Variants in SORBS2 observed in about 807,000 individuals in gnomAD.
SORBS2 encodes sorbin and SH3 domain-containing protein 2.
In SORBS2, 46 loss-of-function variants were observed where a neutral mutation model predicts 97.7. That is an observed-to-expected ratio of 0.47 (90% CI 0.37 to 0.60). SORBS2 has a LOEUF of 0.60. Ranked by LOEUF, SORBS2 falls within the 20% of genes least tolerant of loss-of-function variation. The pLI is 0.00. For synonymous variants in SORBS2, 476 were observed against 473.4 expected (o/e 1.01, Z -0.07); for missense variants, 1,316 against 1,282.3 (o/e 1.03, Z -0.40).
chr4:185,634,195 T>C (rs537360999), intron 4 of SORBS2, among the ~76,000 whole-genome samples: 3 of 152,150 alleles, frequency 2.0e-5, no homozygotes, highest in Admixed American at 1.3e-4. Context: ...ACAGGGTAAA[T>C]AATTTGAAAT....
chr4:185,658,121 C>T (rs569788227), upstream of SORBS2, among the ~76,000 whole-genome samples: 1 of 152,152 alleles, frequency 6.6e-6, no homozygotes, highest in Non-Finnish European at 1.5e-5. Context: ...AAAAATGAAG[C>T]AAAACCAAAA....
chr4:185,622,763 A>G lies in SORBS2; in HGVS notation c.2215+151T>C, dbSNP rs116052252. On this transcript the variant is annotated intron_variant, in intron 7 of 14. Coordinates refer to ENST00000418609, the Ensembl canonical transcript of SORBS2. ...GGGCAAATGAGAAATATTCAGTAAGACATATTTGCACAACAAGTTTTTGCT... is the reference window on the plus strand; with the variant it reads ...GGGCAAATGAGAAATATTCAGTAAGGCATATTTGCACAACAAGTTTTTGCT... 1,565 of 664,794 alleles carry G rather than the reference A, an allele frequency of 2.4e-3. 5 individuals carry two copies. Among genetic ancestry groups the G allele is most frequent in the Non-Finnish European group, 2.7e-3 (1,085 of 399,590 alleles). 41.2% of individuals were successfully genotyped at this position (664,794 alleles called of 1,614,324 possible). A position where few individuals can be genotyped will look rare whatever the true frequency, so the allele number is the denominator to read the frequency against.
chr4:185,676,906 C>A, intron 4 of SORBS2: 1 of 1,005,094 alleles, frequency 9.9e-7, no homozygotes. Context: ...ACTAAGAAAG[C>A]ATTAGGTCAT....
chr4:185,848,988 C>T (rs2099216242), intron 1 of SORBS2, among the ~76,000 whole-genome samples: 1 of 152,194 alleles, frequency 6.6e-6, no homozygotes, highest in Non-Finnish European at 1.5e-5. Context: ...AGTAGTGACA[C>T]ATCTGTGACA....
chr4:185,752,533 C>T (rs2098807514), intron 2 of SORBS2, among the ~76,000 whole-genome samples: 2 of 152,178 alleles, frequency 1.3e-5, no homozygotes, highest in Non-Finnish European at 2.9e-5. Context: ...GCCTCGGCCT[C>T]CCAAAGTGCT....
intron 2 of SORBS2, among the ~76,000 whole-genome samples, chr4:185,708,442 A>C (rs970556496): frequency 1.3e-5 from 2 of 152,232 alleles, no homozygotes; most frequent in Non-Finnish European, 2.9e-5. Flanking sequence ...TTTTTTGTTC[A>C]TGCTGATTCT....
intron 1 of SORBS2, among the ~76,000 whole-genome samples, chr4:185,821,679 C>A (rs2153670703): frequency 6.6e-6 from 1 of 152,352 alleles, no homozygotes; most frequent in Non-Finnish European, 1.5e-5. Context: ...CCGCCTCAGC[C>A]TCCCAAAGTG....
At chr4:185,753,932 G>A (rs2098815809) in intron 2 of SORBS2, among the ~76,000 whole-genome samples, 1 of 152,128 alleles carries the variant, frequency 6.6e-6, no homozygotes, top group Non-Finnish European at 1.5e-5. Flanking sequence ...CATTGACCCA[G>A]TAATCCCATT....
chr4:185,922,168 G>T (rs1237161461), intron 1 of SORBS2, among the ~76,000 whole-genome samples: 1 of 152,228 alleles, frequency 6.6e-6, no homozygotes, highest in Non-Finnish European at 1.5e-5. Context: ...AGCTTTAACA[G>T]TCGTGGTTAG....
At chr4:185,770,159 A>G (rs1584510715) in intron 2 of SORBS2, among the ~76,000 whole-genome samples, 1 of 151,490 alleles carries the variant, frequency 6.6e-6, no homozygotes, top group South Asian at 2.1e-4. Context: ...GCTCACTGCA[A>G]CCTCCGCCTC....
At chr4:185,777,799 T>C (rs2099007353) in intron 1 of SORBS2, among the ~76,000 whole-genome samples, 1 of 149,660 alleles carries the variant, frequency 6.7e-6, no homozygotes, top group Non-Finnish European at 1.5e-5. Context: ...AAAAAAAAGG[T>C]GAATGATGAG....
chr4:185,715,117 A>G (rs1272952097), intron 2 of SORBS2, among the ~76,000 whole-genome samples: 2 of 152,220 alleles, frequency 1.3e-5, no homozygotes, highest in Non-Finnish European at 2.9e-5. Context: ...TGCAAAGAAT[A>G]AATTTACTTA....
At chr4:185,614,737 A>G in intron 11 of SORBS2, 94 bp downstream of exon 23, 1 of 1,414,846 alleles carries the variant, frequency 7.1e-7, no homozygotes, top group Non-Finnish European at 9.6e-7. Flanking sequence ...AAAGAAAAAG[A>G]TAACCTATTT....
At chr4:185,714,357 G>T (rs6552916) in intron 2 of SORBS2, among the ~76,000 whole-genome samples, 116,389 of 151,732 alleles carry the variant, frequency 0.77, 45,960 homozygotes, top group Non-Finnish European at 0.88. Flanking sequence ...TCTATACCAG[G>T]TTTATATACT....
chr4:185,678,340 C>T (rs763473937), intron 4 of SORBS2, 83 bp downstream of exon 7: 30 of 1,124,006 alleles, frequency 2.7e-5, no homozygotes, highest in African/African-American at 3.2e-5. Flanking sequence ...TATTGAAATA[C>T]GCACATTAGG....
chr4:185,702,116 C>T (rs2153533775), intron 2 of SORBS2, among the ~76,000 whole-genome samples: 1 of 152,284 alleles, frequency 6.6e-6, no homozygotes, highest in East Asian at 1.9e-4. Context: ...TATATATCTA[C>T]ATACCTTGTC....
chr4:185,831,597 C>T (rs1438182690), intron 1 of SORBS2, among the ~76,000 whole-genome samples: 5 of 152,182 alleles, frequency 3.3e-5, no homozygotes, highest in African/African-American at 1.2e-4. Context: ...AGCACCTGCT[C>T]TCCTTCAGTG....
chr4:185,870,605 G>A (rs532400694), intron 1 of SORBS2, among the ~76,000 whole-genome samples: 4 of 152,314 alleles, frequency 2.6e-5, no homozygotes, highest in African/African-American at 7.2e-5. Flanking sequence ...CGGATGCTGC[G>A]CTCGTTCCTC....
At chr4:185,642,214 T>C (rs751033207) in intron 4 of SORBS2, among the ~76,000 whole-genome samples, 6 of 152,216 alleles carry the variant, frequency 3.9e-5, no homozygotes, top group Non-Finnish European at 7.3e-5. Context: ...ACAATCTTTA[T>C]TGATAAAGAA....
Sources: allele counts gnomAD v4.1 joint callset (sites outside exome capture counted in the v4.1 genomes callset), GRCh38; gene constraint gnomAD v4.1.1; transcripts MANE v1.5; gene names NCBI Gene and HGNC (gene_info 2026-07-23, HGNC 2026-07-21).